Variants in TTC34 observed in about 807,000 individuals in gnomAD.
The protein encoded by TTC34 is tetratricopeptide repeat protein 34.
TTC34 carries 44 observed loss-of-function variants against 40.7 expected under a neutral mutation model. The observed-to-expected ratio is 1.08, with a 90% CI of 0.85 to 1.39. The LOEUF (loss-of-function observed/expected upper bound fraction) is 1.39. TTC34 is among the 40% of genes most tolerant of loss of function. The pLI, the probability that TTC34 is intolerant of heterozygous loss-of-function variation, is 0.00. For synonymous variants in TTC34, 422 were observed against 398.6 expected (o/e 1.06, Z -0.70); for missense variants, 884 against 838.0 (o/e 1.05, Z -0.68).
intron 6 of TTC34, among the ~76,000 whole-genome samples, chr1:2,699,366 G>A (rs1376278542): frequency 3.0e-4 from 8 of 26,806 alleles, no homozygotes; most frequent in Middle Eastern, 0.042. Context: ...GAACAGCACC[G>A]CACACCCGCA....
intron 6 of TTC34, among the ~76,000 whole-genome samples, chr1:2,694,761 A>G (rs1268139920): frequency 2.0e-5 from 1 of 49,134 alleles, no homozygotes; most frequent in African/African-American, 6.0e-5. Context: ...CCCACAGGTG[A>G]GCATCCGACA....
chr1:2,686,146 G>C (rs1166180388), intron 6 of TTC34, among the ~76,000 whole-genome samples: 8 of 128,748 alleles, frequency 6.2e-5, no homozygotes, highest in Admixed American at 5.0e-4. Flanking sequence ...TGATGGTCTG[G>C]AGCAGCACGC....
At chr1:2,764,182 C>G (rs1420266615) in intron 6 of TTC34, among the ~76,000 whole-genome samples, 7 of 149,780 alleles carry the variant, frequency 4.7e-5, no homozygotes, top group African/African-American at 1.0e-4. Flanking sequence ...CACCCTGCAA[C>G]CCCAGGTGAG....
At chr1:2,800,083 G>A (rs1487815460) in exon 2 of TTC34, 22 of 398,336 alleles carry the variant, frequency 5.5e-5, no homozygotes, top group East Asian at 5.3e-4. Context: ...TCGAGGGCCC[G>A]GCTGCATGCT....
chr1:2,790,118 T>C (rs1643646367), exon 3 of TTC34: 1 of 398,084 alleles, frequency 2.5e-6, no homozygotes, highest in Non-Finnish European at 4.4e-6. Context: ...CTCAGGGTGG[T>C]TCCGCACGGC....
intron 2 of TTC34, 43 bp downstream of exon 2, chr1:2,800,001 C>A (rs1643754667): frequency 1.0e-5 from 4 of 397,856 alleles, no homozygotes; most frequent in African/African-American, 2.1e-5. Flanking sequence ...GTGGCGGGGG[C>A]AGCTTTCACC....
At chr1:2,777,523 G>A (rs1251197296) in intron 6 of TTC34, among the ~76,000 whole-genome samples, 1 of 152,204 alleles carries the variant, frequency 6.6e-6, no homozygotes, top group Non-Finnish European at 1.5e-5. Flanking sequence ...ATGACCGCCT[G>A]GAAGAAGCAC....
intron 6 of TTC34, among the ~76,000 whole-genome samples, chr1:2,699,522 C>T (rs1389857362): frequency 8.8e-6 from 1 of 113,142 alleles, no homozygotes; most frequent in Non-Finnish European, 2.0e-5. Context: ...CAGCCTGGAA[C>T]ACCACCCACA....
chr1:2,752,020 G>A (rs1192218765), intron 6 of TTC34, among the ~76,000 whole-genome samples: 1 of 118,874 alleles, frequency 8.4e-6, no homozygotes, highest in Non-Finnish European at 1.7e-5. Flanking sequence ...ACCCAGCTGA[G>A]CATCTGACAG....
chr1:2,786,888 AAGG>A (rs1435728097), intron 4 of TTC34, among the ~76,000 whole-genome samples: 18 of 152,312 alleles, frequency 1.2e-4, no homozygotes, highest in African/African-American at 4.3e-4. Context: ...TGGGCAGGGC[AAGG>A]AGATCAGGAC....
At chr1:2,756,046 C>G (rs1641494710) in intron 6 of TTC34, among the ~76,000 whole-genome samples, 2 of 84,668 alleles carry the variant, frequency 2.4e-5, no homozygotes, top group Non-Finnish European at 4.2e-5. Context: ...CATCTGACAA[C>G]CTGGAACAGC....
chr1:2,750,023 C>G lies in TTC34; in HGVS notation c.2226+33586G>C, dbSNP rs1322147691. 9.6e-5 allele frequency among the ~76,000 whole-genome samples: 3 copies of G among 31,378 alleles called. 1 individual carries two copies. Among genetic ancestry groups the G allele is most frequent in the African/African-American group, 2.5e-4 (2 of 7,858 alleles). The allele number at this position is 31,378 out of a possible 152,430, so 20.6% of individuals were successfully genotyped here. ...CCCACATCCCCAGGCGAGCATCCGA[C>G]AGCCTGGAGCAGCACCCACACCCTC... On this transcript the variant is annotated intron_variant, in intron 6 of 8. Transcript: ENST00000401095.
chr1:2,651,186 C>T (rs1435250734), intron 6 of TTC34, among the ~76,000 whole-genome samples: 1 of 151,890 alleles, frequency 6.6e-6, no homozygotes, highest in Non-Finnish European at 1.5e-5. Context: ...AAAACTGCAC[C>T]TCACAGGCCA....
At chr1:2,642,793 G>A (rs959799052) in intron 8 of TTC34, among the ~76,000 whole-genome samples, 18 of 152,292 alleles carry the variant, frequency 1.2e-4, no homozygotes, top group African/African-American at 3.8e-4. Context: ...TTGGCCGCAC[G>A]GGGCGAAGCC....
intron 6 of TTC34, among the ~76,000 whole-genome samples, chr1:2,755,992 T>C (rs1641493034): frequency 1.3e-5 from 1 of 76,092 alleles, no homozygotes; most frequent in African/African-American, 1.0e-4. Flanking sequence ...GCAACCCAGG[T>C]GAGCATCTGA....
chr1:2,699,054 C>G (rs1173410244), intron 6 of TTC34, among the ~76,000 whole-genome samples: 22 of 135,310 alleles, frequency 1.6e-4, no homozygotes, highest in Admixed American at 2.2e-4. Context: ...CCCACAACCA[C>G]AGGTGAGCAT....
In TTC34 at chr1:2,795,086, C is replaced by CA. The variant is rs35945824; in HGVS notation, c.785-4741dup. On this transcript the variant is annotated intron_variant, in intron 2 of 8. Coordinates refer to ENST00000401095, the Ensembl canonical transcript of TTC34. ...GCAACGTGGTGAGACCCCATCTCTA[C>CA]AAAAAAAAAAAAAAATTAGCCAGTT... is the stretch of plus-strand genomic sequence containing the variant. Among the ~76,000 whole-genome samples the CA allele has an allele frequency of 8.1e-3, 1,090 of 134,256 alleles. 4 individuals carry two copies. Among genetic ancestry groups the CA allele is most frequent in the South Asian group, 0.024 (95 of 4,024 alleles). The allele number at this position is 134,256 out of a possible 152,430, so 88.1% of individuals were successfully genotyped here.
At chr1:2,694,955 C>T (rs200184781) in intron 6 of TTC34, among the ~76,000 whole-genome samples, 1 of 73,018 alleles carries the variant, frequency 1.4e-5, no homozygotes, top group African/African-American at 3.5e-5. Context: ...CCCACACCCC[C>T]AGGTGAGCAT....
intron 6 of TTC34, among the ~76,000 whole-genome samples, chr1:2,648,592 G>T (rs1457100438): frequency 1.3e-5 from 2 of 151,950 alleles, no homozygotes; most frequent in African/African-American, 4.8e-5. Flanking sequence ...CACATCCCCA[G>T]GTGAGCATCT....
Sources: allele counts gnomAD v4.1 joint callset (sites outside exome capture counted in the v4.1 genomes callset), GRCh38; gene constraint gnomAD v4.1.1; transcripts MANE v1.5; gene names NCBI Gene and HGNC (gene_info 2026-07-23, HGNC 2026-07-21).